Variants in RNF19A observed in about 807,000 individuals in gnomAD.
RNF19A encodes ring finger protein 19A, RBR E3 ubiquitin protein ligase, also known as E3 ubiquitin-protein ligase RNF19A.
RNF19A carries 32 observed loss-of-function variants against 75.7 expected under a neutral mutation model. The ratio of observed to expected loss-of-function variants is 0.42; its 90% CI spans 0.32 to 0.57. The LOEUF is 0.57. Ranked by LOEUF, RNF19A falls within the 20% of genes least tolerant of loss-of-function variation. The pLI is 0.10. For synonymous variants in RNF19A, 335 were observed against 345.2 expected (o/e 0.97, Z 0.33); for missense variants, 782 against 1,036.3 (o/e 0.75, Z 3.37).
At chr8:100,309,112 A>G (rs1015364597) in intron 1 of RNF19A, among the ~76,000 whole-genome samples, 2 of 152,204 alleles carry the variant, frequency 1.3e-5, no homozygotes, top group African/African-American at 4.8e-5. Flanking sequence ...CCCAGATAAG[A>G]AAAACTGAAA....
Position 100,273,205 on chromosome 8 carries a change from G to GT in RNF19A, c.883+1747dup, listed in dbSNP as rs890388632. 5.5e-4 allele frequency among the ~76,000 whole-genome samples: 83 copies of GT among 151,866 alleles called. 1 individual carries two copies. The highest frequency in any genetic ancestry group is 6.8e-3 in the Middle Eastern group (2 of 292). On this transcript the variant is annotated intron_variant, in intron 3 of 9. Transcript: ENST00000341084. ...AAACATGGAACAAATTCCAAATGAA[G>GT]TTTTTTTTTAAAACAATCGCCTTGA...
chr8:100,269,250 G>A lies in RNF19A; in HGVS notation c.1029-303C>T, dbSNP rs886476562. Among the ~76,000 whole-genome samples the A allele has an allele frequency of 6.6e-6, 1 of 151,654 alleles. No homozygotes were observed. The highest frequency in any genetic ancestry group is 2.4e-5 in the African/African-American group (1 of 41,304). On this transcript the variant is annotated intron_variant, in intron 4 of 9. Transcript: ENST00000341084. The surrounding 1 kb of genome is among the most constrained non-coding windows in gnomAD (Gnocchi z 5.7). ...TCTTCCATTACCCTCATACCCTTAAGTCAGTTTAATAGTAAATTAATGCAA... is the reference window on the plus strand; with the variant it reads ...TCTTCCATTACCCTCATACCCTTAAATCAGTTTAATAGTAAATTAATGCAA...
rs751078607 is a variant in RNF19A at position 100,260,013 on chromosome 8, G to A, written c.1683-16C>T. 1 of 1,608,612 alleles carries A rather than the reference G, an allele frequency of 6.2e-7. No homozygotes were observed. The highest frequency in any genetic ancestry group is 1.1e-5 in the South Asian group (1 of 90,750). On this transcript the variant is annotated splice_polypyrimidine_tract_variant and intron_variant, in intron 8 of 9. Transcript: ENST00000341084. The surrounding 1 kb of genome is among the most constrained non-coding windows in gnomAD (Gnocchi z 4.1). ...TACTTCCAACCTTAAAGGGGGGTAT[G>A]AAATCACCAAAATTATATTTAATAT...
At chr8:100,263,679 A>G (rs1254478396) in intron 7 of RNF19A, among the ~76,000 whole-genome samples, 1 of 152,164 alleles carries the variant, frequency 6.6e-6, no homozygotes, top group Non-Finnish European at 1.5e-5. Context: ...TTTGAATAAC[A>G]TTGAGTTGAA....
At position 100,317,153 on chromosome 8, in the gene RNF19A, C is replaced by T. The variant is rs182371469; in HGVS notation, c.-242-3781G>A. Among the ~76,000 whole-genome samples the T allele has an allele frequency of 2.0e-3, 309 of 152,350 alleles. No homozygotes were observed. The highest frequency in any genetic ancestry group is 6.9e-3 in the African/African-American group (287 of 41,580). On this transcript the variant is annotated intron_variant, in intron 1 of 3. Transcript: ENST00000519527. The surrounding 1 kb of genome is among the most constrained non-coding windows in gnomAD (Gnocchi z 4.3). ...CCGCACGCAGCCCAGCCCGGGTTCCCGCTCGCGCCTCTCCCTCCGCACCTC... is the reference window on the plus strand; with the variant it reads ...CCGCACGCAGCCCAGCCCGGGTTCCTGCTCGCGCCTCTCCCTCCGCACCTC...
At chr8:100,263,946 G>T (rs924715530) in intron 7 of RNF19A, 88 bp downstream of exon 7, 1 of 1,117,716 alleles carries the variant, frequency 8.9e-7, no homozygotes, top group South Asian at 1.5e-5. Flanking sequence ...GGATGGCAAT[G>T]GAAATTCTGA....
In RNF19A at chr8:100,275,245, C is replaced by A; in HGVS notation, c.675-84G>T. The A allele has an allele frequency of 2.6e-6, 3 of 1,175,372 alleles. No individual in the cohort carries two copies. The highest frequency in any genetic ancestry group is 2.7e-5 in the South Asian group (2 of 73,252). 72.8% of individuals were successfully genotyped at this position (1,175,372 alleles called of 1,614,324 possible). A position where few individuals can be genotyped will look rare whatever the true frequency, so the allele number is the denominator to read the frequency against. Reference sequence around the variant, plus strand: ...AAAAAGTATCCAACTAAAGATTATTCCTGAAAAACATTTTCTATTTATACA... The same window carrying A: ...AAAAAGTATCCAACTAAAGATTATTACTGAAAAACATTTTCTATTTATACA... On this transcript the variant is annotated intron_variant, in intron 2 of 9. Coordinates refer to ENST00000341084, the MANE Select transcript of RNF19A (RefSeq NM_183419.4). The surrounding 1 kb of genome is among the most constrained non-coding windows in gnomAD (Gnocchi z 4.3).
chr8:100,306,185 G>T (rs901833946), intron 1 of RNF19A, among the ~76,000 whole-genome samples: 1 of 152,066 alleles, frequency 6.6e-6, no homozygotes, highest in Non-Finnish European at 1.5e-5. Flanking sequence ...AATTTCATGG[G>T]GCCAACTCCA....
At chr8:100,288,968 G>A (rs535328839) in intron 1 of RNF19A, among the ~76,000 whole-genome samples, 41 of 151,138 alleles carry the variant, frequency 2.7e-4, no homozygotes, top group Non-Finnish European at 1.0e-4. Flanking sequence ...GCTGAGGCAG[G>A]AGAATGGCGT....
chr8:100,306,054 T>G (rs762488788), intron 1 of RNF19A, among the ~76,000 whole-genome samples: 29 of 152,216 alleles, frequency 1.9e-4, no homozygotes, highest in Non-Finnish European at 4.0e-4. Context: ...TCCCTCCTTA[T>G]GGCTCACTTC....
At chr8:100,265,742 G>C (rs890338598) in intron 5 of RNF19A, among the ~76,000 whole-genome samples, 16 of 152,196 alleles carry the variant, frequency 1.1e-4, no homozygotes, top group Admixed American at 2.0e-4. Context: ...GTGGAAAACA[G>C]TAGAAAGGTT....
Position 100,324,849 on chromosome 8 carries a change from C to A in RNF19A, c.-243+11259G>T, listed in dbSNP as rs1454434251. ...CCTTCCTCCTTCTTCCTCCCTCCCT[C>A]CCTCCTTCCTTTCTCTCTTTCTCTT... is the stretch of plus-strand genomic sequence containing the variant. On this transcript the variant is annotated intron_variant, in intron 1 of 3. Coordinates refer to the RNF19A transcript ENST00000519527. This position sits in a 1 kb window ranked among gnomAD's most constrained non-coding sequence, Gnocchi z 4.2. 6.6e-6 allele frequency among the ~76,000 whole-genome samples: 1 copy of A among 151,024 alleles called. No individual in the cohort carries two copies. The highest frequency in any genetic ancestry group is 2.4e-5 in the African/African-American group (1 of 41,016).
At chr8:100,308,093 C>T (rs919065163) in intron 1 of RNF19A, among the ~76,000 whole-genome samples, 1 of 152,088 alleles carries the variant, frequency 6.6e-6, no homozygotes, top group Non-Finnish European at 1.5e-5. Flanking sequence ...TGCTTCAACT[C>T]CTAAAATGAT....
rs181161896 is a variant in RNF19A at position 100,267,019 on chromosome 8, T to A, written c.1191+1766A>T. 5.3e-5 allele frequency among the ~76,000 whole-genome samples: 8 copies of A among 152,292 alleles called. No individual in the cohort carries two copies. In the East Asian group the frequency reaches 1.2e-3, roughly 22 times the overall value. ...TTATTCCCAGTCGGGTCCCAGAAGT[T>A]AGAAACAGAAATAAAGGAAACAAAA... On this transcript the variant is annotated intron_variant, in intron 5 of 9. Coordinates refer to ENST00000341084, the MANE Select transcript of RNF19A (RefSeq NM_183419.4).
At position 100,264,730 on chromosome 8, in the gene RNF19A, A is replaced by G. The variant is rs753937249; in HGVS notation, c.1247T>C (p.Ile416Thr). Residue 416 changes from isoleucine (I) to threonine (T), a missense_variant, in exon 6 of 10, where the codon ATA becomes ACA. Around this residue, in one of 7 missense-constraint regions of RNF19A, gnomAD observed 442 missense variants for 541.6 expected, o/e 0.82. Coordinates refer to ENST00000341084, the MANE Select transcript of RNF19A (RefSeq NM_183419.4). The surrounding 1 kb of genome is among the most constrained non-coding windows in gnomAD (Gnocchi z 4.7). ...TACAGACAACGTTACACCACCTGCT[A>G]TGGCCAAATTCCGTTTGTGCTTTGA... is the stretch of plus-strand genomic sequence containing the variant. ...DVSKHKRNLAIAGGVTLSVIV... is the reference protein window; with the variant it reads ...DVSKHKRNLATAGGVTLSVIV... The G allele has an allele frequency of 2.5e-6, 4 of 1,613,622 alleles. No individual in the cohort carries two copies. Among genetic ancestry groups the G allele is most frequent in the Non-Finnish European group, 8.5e-7 (1 of 1,179,716 alleles).
At chr8:100,308,032 T>C (rs1431239539) in intron 1 of RNF19A, among the ~76,000 whole-genome samples, 17 of 152,256 alleles carry the variant, frequency 1.1e-4, no homozygotes. Flanking sequence ...ATCCCCTAAA[T>C]GAGAAAACAA....
At chr8:100,308,379 A>G (rs915781683) in intron 1 of RNF19A, among the ~76,000 whole-genome samples, 1 of 152,190 alleles carries the variant, frequency 6.6e-6, no homozygotes, top group Non-Finnish European at 1.5e-5. Flanking sequence ...TTAATTCTAA[A>G]TTTTTACCAT....
rs144871836 is a variant in RNF19A at position 100,332,312 on chromosome 8, TAGTG to T, written c.-243+3792_-243+3795del. ...AATTTCCCCCATGTTGTTCTCATGATAGTGAGTGAGTTCTCACGTGATCTGATGG... is the reference window on the plus strand; with the variant it reads ...AATTTCCCCCATGTTGTTCTCATGATAGTGAGTTCTCACGTGATCTGATGG... On this transcript the variant is annotated intron_variant, in intron 1 of 3. Transcript: ENST00000519527. The surrounding 1 kb of genome is among the most constrained non-coding windows in gnomAD (Gnocchi z 4.8). Among the ~76,000 whole-genome samples the T allele has an allele frequency of 0.068, 10,282 of 152,232 alleles. 388 individuals are homozygous for T. The highest frequency in any genetic ancestry group is 0.081 in the African/African-American group (3,379 of 41,536).
At chr8:100,304,052 G>A (rs548973166) in intron 1 of RNF19A, among the ~76,000 whole-genome samples, 1 of 152,250 alleles carries the variant, frequency 6.6e-6, no homozygotes, top group South Asian at 2.1e-4. Flanking sequence ...CACCTCTCAG[G>A]TTGGAGCAAT....
Sources: allele counts gnomAD v4.1 joint callset (sites outside exome capture counted in the v4.1 genomes callset), GRCh38; gene constraint gnomAD v4.1.1; regional missense constraint gnomAD v4.1.1; non-coding constraint Gnocchi (gnomAD v3.1); transcripts MANE v1.5; gene names NCBI Gene and HGNC (gene_info 2026-07-23, HGNC 2026-07-21).